Variants in AMZ1 observed in about 807,000 individuals in gnomAD.
The protein encoded by AMZ1 is archaelysin family metallopeptidase 1.
AMZ1 carries 39 observed loss-of-function variants against 29.9 expected under a neutral mutation model. The observed-to-expected ratio is 1.30, with a 90% CI of 1.01 to 1.70. AMZ1 has a LOEUF of 1.70. Ranked by LOEUF, AMZ1 falls within the 40% of genes most tolerant of loss-of-function variation. The pLI is 0.00. For missense variants in AMZ1, 1,041 were observed against 680.6 expected, an observed-to-expected ratio of 1.53 and a Z score of -5.89; for synonymous variants, 458 against 304.0, an observed-to-expected ratio of 1.51 and a Z score of -5.27.
Position 2,712,782 on chromosome 7 carries a change from G to A in AMZ1, c.1401G>A (p.Leu467=), listed in dbSNP as rs1788881810. 6.3e-7 allele frequency: 1 copy of A among 1,575,620 alleles called. No homozygotes were observed. The highest frequency in any genetic ancestry group is 8.6e-7 in the Non-Finnish European group (1 of 1,158,582). The change falls in exon 7 of 7, where the codon CTG becomes CTA. Residue 467 remains leucine, a synonymous_variant. Coordinates refer to ENST00000683327, the MANE Select transcript of AMZ1 (RefSeq NM_001384743.1). ...SRDSVGLRKV[L]GDKFSSLRRK... ...ACAGCGTGGGGCTGCGCAAGGTGCT[G>A]GGGGACAAGTTCTCCTCCCTGAGGA...
chr7:2,759,584 C>T (rs764935469), intron 4 of AMZ1, among the ~76,000 whole-genome samples: 16 of 152,212 alleles, frequency 1.1e-4, no homozygotes, highest in Non-Finnish European at 1.9e-4. Context: ...GCGGTAGTGG[C>T]TCACATGGGG....
downstream of AMZ1, among the ~76,000 whole-genome samples, chr7:2,719,832 C>T (rs1187436880): frequency 6.6e-6 from 1 of 151,952 alleles, no homozygotes; most frequent in Admixed American, 6.6e-5. Context: ...AGGTGCCTGC[C>T]ACACCATGCC....
upstream of AMZ1, among the ~76,000 whole-genome samples, chr7:2,683,260 T>G (rs1408730237): frequency 6.6e-6 from 1 of 152,124 alleles, no homozygotes; most frequent in African/African-American, 2.4e-5. Context: ...TGGTCTGAAG[T>G]CAAGGCTGGG....
upstream of AMZ1, chr7:2,762,823 A>AT: frequency 2.0e-6 from 3 of 1,521,810 alleles, no homozygotes; most frequent in Non-Finnish European, 2.7e-6. Flanking sequence ...CCCATCCGCC[A>AT]CACACCCAGT....
chr7:2,703,142 CCTT>C (rs1788158112), intron 3 of AMZ1, among the ~76,000 whole-genome samples: 1 of 152,028 alleles, frequency 6.6e-6, no homozygotes, highest in East Asian at 1.9e-4. Flanking sequence ...AGAAGCGAGC[CCTT>C]CTTTTTTTGT....
At chr7:2,682,345 A>G (rs149369912) in intron 1 of AMZ1, among the ~76,000 whole-genome samples, 242 of 152,204 alleles carry the variant, frequency 1.6e-3, no homozygotes, top group Admixed American at 2.6e-3. Flanking sequence ...GCATGAGATG[A>G]CACCGGGTGG....
chr7:2,720,396 G>C (rs936072213), downstream of AMZ1, among the ~76,000 whole-genome samples: 1 of 152,130 alleles, frequency 6.6e-6, no homozygotes, highest in Non-Finnish European at 1.5e-5. Context: ...GGCTGGAGGG[G>C]ATCATTATTT....
intron 4 of AMZ1, among the ~76,000 whole-genome samples, chr7:2,725,951 ACCAGCTCC>A (rs1789599444): frequency 6.6e-6 from 1 of 152,156 alleles, no homozygotes; most frequent in Non-Finnish European, 1.5e-5. Flanking sequence ...TCAGGTCTGG[ACCAGCTCC>A]CCTGAACGCC....
At chr7:2,693,403 A>C (rs1787521927) in intron 1 of AMZ1, among the ~76,000 whole-genome samples, 1 of 151,962 alleles carries the variant, frequency 6.6e-6, no homozygotes, top group African/African-American at 2.4e-5. Flanking sequence ...GTTGTTGGAC[A>C]CAGGGTCTTG....
Position 2,718,386 on chromosome 7 carries a change from C to T in AMZ1, c.*5508C>T, listed in dbSNP as rs1789253272. Among the ~76,000 whole-genome samples the T allele has an allele frequency of 6.6e-6, 1 of 152,166 alleles. No homozygotes were observed. Among genetic ancestry groups the T allele is most frequent in the African/African-American group, 2.4e-5 (1 of 41,440 alleles). ...AAGGCCAACACGTCTTTCTCGAGTC[C>T]AAGACCATCTCCCGTTCAAGGGCCC... On this transcript the variant is annotated 3_prime_UTR_variant, in exon 7 of 7. Coordinates refer to ENST00000683327, the MANE Select transcript of AMZ1 (RefSeq NM_001384743.1).
At chr7:2,686,685 C>A (rs1787089174), upstream of AMZ1, among the ~76,000 whole-genome samples, 2 of 151,940 alleles carry the variant, frequency 1.3e-5, no homozygotes, top group South Asian at 4.2e-4. Flanking sequence ...ATTTTGCACA[C>A]CGGACACCTA....
chr7:2,699,837 T>C (rs978767931), intron 1 of AMZ1, among the ~76,000 whole-genome samples: 1 of 152,124 alleles, frequency 6.6e-6, no homozygotes, highest in Non-Finnish European at 1.5e-5. Context: ...CTCCAAGGCC[T>C]CTAGACAGAG....
In AMZ1 at chr7:2,751,117, G is replaced by A. The variant is rs142554449; in HGVS notation, n.551-13595G>A. Among the ~76,000 whole-genome samples, 176 of 152,254 alleles carry A rather than the reference G, an allele frequency of 1.2e-3. 2 individuals are homozygous for A. The East Asian group carries it at 0.031, about 26-fold the overall frequency. ...CATGCTTATATTAGGGCCGGGCCCG[G>A]GGGCACACACTTGTAACCCCAGCAC... On this transcript the variant is annotated intron_variant and non_coding_transcript_variant, in intron 4 of 4. Coordinates refer to the AMZ1 transcript ENST00000489665.
intron 4 of AMZ1, among the ~76,000 whole-genome samples, chr7:2,754,933 A>G (rs879846988): frequency 8.5e-5 from 13 of 152,306 alleles, no homozygotes; most frequent in South Asian, 8.3e-4. Context: ...CTTTACACTG[A>G]AATCTGTAAC....
chr7:2,691,608 G>C (rs752975998), intron 1 of AMZ1, among the ~76,000 whole-genome samples: 1 of 147,356 alleles, frequency 6.8e-6, no homozygotes, highest in Non-Finnish European at 1.5e-5. Flanking sequence ...GGGTGTGGTC[G>C]TGAGCGCCTG....
upstream of AMZ1, among the ~76,000 whole-genome samples, chr7:2,684,758 G>A (rs1179791631): frequency 6.6e-6 from 1 of 152,168 alleles, no homozygotes. Flanking sequence ...ACTGGGCATG[G>A]CGCCACCCAA....
intron 4 of AMZ1, among the ~76,000 whole-genome samples, chr7:2,726,849 C>G (rs1182252832): frequency 6.6e-6 from 1 of 152,192 alleles, no homozygotes; most frequent in African/African-American, 2.4e-5. Context: ...TGAGTGGTCT[C>G]TTCGCTTTCT....
chr7:2,712,698 C>T lies in AMZ1; in HGVS notation c.1317C>T (p.Arg439=). The change falls in exon 7 of 7, where the codon CGC becomes CGT. Residue 439 remains arginine, a synonymous_variant. Transcript: ENST00000683327. ...ACAGAGCCGTGGACGCCCTCGACCG[C>T]TGGGAGATGTTCACGGGCCAGCTCC... ...QVDRAVDALD[R]WEMFTGQLPA... is the part of the protein sequence containing the mutation. 1 of 1,611,914 alleles carries T rather than the reference C, an allele frequency of 6.2e-7. No homozygotes were observed. Among genetic ancestry groups the T allele is most frequent in the South Asian group, 1.1e-5 (1 of 90,874 alleles).
chr7:2,681,317 G>A (rs377244351), intron 1 of AMZ1, among the ~76,000 whole-genome samples: 6 of 152,066 alleles, frequency 3.9e-5, no homozygotes, highest in South Asian at 2.1e-4. Context: ...TGACCTCCCC[G>A]GCCTCTGGTG....
Sources: allele counts gnomAD v4.1 joint callset (sites outside exome capture counted in the v4.1 genomes callset), GRCh38; gene constraint gnomAD v4.1.1; transcripts MANE v1.5; gene names NCBI Gene and HGNC (gene_info 2026-07-23, HGNC 2026-07-21).